Variants in CDH18 observed in about 807,000 individuals in gnomAD.
The protein encoded by CDH18 is cadherin 18.
A neutral mutation model predicts 67.9 loss-of-function variants in CDH18; 31 were observed. The ratio of observed to expected loss-of-function variants is 0.46; its 90% confidence interval spans 0.34 to 0.62. The LOEUF is 0.62. Among genes scored for constraint, CDH18 ranks in the 20% least tolerant of loss-of-function variants. The pLI is 0.01. For missense variants in CDH18, 890 were observed against 975.5 expected, an observed-to-expected ratio of 0.91 and a Z score of 1.17; for synonymous variants, 362 against 347.2, an observed-to-expected ratio of 1.04 and a Z score of -0.48.
chr5:19,574,704 T>C lies in CDH18; in HGVS notation c.1000-2872A>G, dbSNP rs891302263. Reference sequence around the variant, plus strand: ...CCCATCTTCCACACCTTTTAAATAGTTGAGTAAACTATTAAAGTTGTCTTC... The same window carrying C: ...CCCATCTTCCACACCTTTTAAATAGCTGAGTAAACTATTAAAGTTGTCTTC... On this transcript the variant is annotated intron_variant, in intron 7 of 12. Coordinates refer to ENST00000382275, the MANE Select transcript of CDH18 (RefSeq NM_004934.5). Among the ~76,000 whole-genome samples the C allele has an allele frequency of 3.9e-4, 59 of 151,994 alleles. 1 individual carries two copies. The highest frequency in any genetic ancestry group is 3.3e-3 in the Admixed American group (51 of 15,266).
At chr5:19,805,211 G>C (rs1360069147) in intron 3 of CDH18, among the ~76,000 whole-genome samples, 17 of 152,082 alleles carry the variant, frequency 1.1e-4, no homozygotes, top group Non-Finnish European at 2.9e-5. Context: ...GCCTCCCAAA[G>C]TATTGGGATC....
rs527825091 is a variant in CDH18, at chr5:20,010,367, G to A, written c.-517-18353C>T. The stretch of plus-strand genomic sequence containing the variant: ...TGGGATTATAGGCATGCACCACCAC[G>A]CCCCACTATTTTTGTATTTTTAGTA... On this transcript the variant is annotated intron_variant, in intron 2 of 14. Transcript: ENST00000507958. Among the ~76,000 whole-genome samples, 16 of 151,800 alleles carry A rather than the reference G, an allele frequency of 1.1e-4. 2 individuals carry two copies. The South Asian group carries it at 2.3e-3, about 22-fold the overall frequency.
intron 8 of CDH18, among the ~76,000 whole-genome samples, chr5:19,551,618 G>A (rs1396299417): frequency 3.3e-5 from 5 of 152,096 alleles, no homozygotes; most frequent in Non-Finnish European, 7.4e-5. Flanking sequence ...ATAGAAAACA[G>A]CTATCACTTG....
intron 2 of CDH18, among the ~76,000 whole-genome samples, chr5:20,143,832 T>C (rs1298260761): frequency 6.6e-6 from 1 of 152,076 alleles, no homozygotes; most frequent in Non-Finnish European, 1.5e-5. Flanking sequence ...TCGCATACCG[T>C]GGAAACAGGG....
rs147986112 is a variant in CDH18 at position 20,497,155 on chromosome 5, G to A, written c.-580+78307C>T. 4.6e-3 allele frequency among the ~76,000 whole-genome samples: 696 copies of A among 152,192 alleles called. 1 individual carries two copies. The highest frequency in any genetic ancestry group is 0.016 in the African/African-American group (659 of 41,542). On this transcript the variant is annotated intron_variant, in intron 1 of 14. Coordinates refer to the CDH18 transcript ENST00000507958. ...AAAGGCCAATGAAGCTGGGGTGGAG[G>A]CAGCAAAGAGGGAAATAGTAAGTGA...
At chr5:19,753,318 T>C (rs764330252) in intron 3 of CDH18, among the ~76,000 whole-genome samples, 2 of 152,100 alleles carry the variant, frequency 1.3e-5, no homozygotes, top group Non-Finnish European at 2.9e-5. Context: ...AAATAGTCAA[T>C]GAAATAGATT....
intron 8 of CDH18, among the ~76,000 whole-genome samples, chr5:19,558,645 G>A (rs1172063965): frequency 6.6e-6 from 1 of 151,514 alleles, no homozygotes; most frequent in Non-Finnish European, 1.5e-5. Flanking sequence ...AGATTGACAG[G>A]GTAATTAAAA....
intron 2 of CDH18, among the ~76,000 whole-genome samples, chr5:19,928,238 TA>T (rs1441780561): frequency 6.6e-6 from 1 of 152,118 alleles, no homozygotes; most frequent in East Asian, 1.9e-4. Context: ...GCAATATTAT[TA>T]AAACAGAATT....
chr5:19,737,023 GA>G (rs1768426050), intron 4 of CDH18, among the ~76,000 whole-genome samples: 1 of 152,234 alleles, frequency 6.6e-6, no homozygotes, highest in Admixed American at 6.5e-5. Flanking sequence ...ACTGATCAAT[GA>G]AAACCAGTGA....
At chr5:19,994,530 A>G (rs555610451) in intron 2 of CDH18, among the ~76,000 whole-genome samples, 1 of 150,068 alleles carries the variant, frequency 6.7e-6, no homozygotes, top group Admixed American at 6.7e-5. Flanking sequence ...AAGGCTACTG[A>G]AATTGAAACT....
intron 1 of CDH18, among the ~76,000 whole-genome samples, chr5:20,481,227 A>C (rs1490897981): frequency 1.3e-5 from 2 of 152,094 alleles, no homozygotes; most frequent in African/African-American, 2.4e-5. Flanking sequence ...AAACATAAAA[A>C]GAGACAAAGC....
At chr5:20,378,025 T>G (rs934034138) in intron 1 of CDH18, among the ~76,000 whole-genome samples, 6 of 152,264 alleles carry the variant, frequency 3.9e-5, no homozygotes, top group Non-Finnish European at 8.8e-5. Flanking sequence ...AAGCTGGCTG[T>G]TGAAGTGTCA....
chr5:20,157,893 G>C (rs140909932), intron 2 of CDH18, among the ~76,000 whole-genome samples: 3,817 of 151,976 alleles, frequency 0.025, 170 homozygotes, highest in African/African-American at 0.088. Context: ...GCCCTCCTTG[G>C]CCTCCCAAAG....
chr5:20,329,095 C>T (rs751249651), intron 1 of CDH18, among the ~76,000 whole-genome samples: 2 of 152,130 alleles, frequency 1.3e-5, no homozygotes, highest in African/African-American at 4.8e-5. Flanking sequence ...GTTTTAATAT[C>T]CAACTCCCCA....
intron 3 of CDH18, among the ~76,000 whole-genome samples, chr5:19,788,113 G>A (rs1776005831): frequency 6.6e-6 from 1 of 151,884 alleles, no homozygotes; most frequent in South Asian, 2.1e-4. Flanking sequence ...CTTATAATAG[G>A]GTGTGAATAA....
At chr5:20,282,502 A>G (rs1373067099) in intron 1 of CDH18, among the ~76,000 whole-genome samples, 2 of 152,138 alleles carry the variant, frequency 1.3e-5, no homozygotes, top group African/African-American at 2.4e-5. Context: ...TTCTGTTTAT[A>G]TGCTGGATTA....
intron 2 of CDH18, among the ~76,000 whole-genome samples, chr5:20,252,065 T>C (rs1200035277): frequency 6.6e-6 from 1 of 152,152 alleles, no homozygotes; most frequent in Non-Finnish European, 1.5e-5. Flanking sequence ...TATGCAGCTG[T>C]TTTTTATTAT....
intron 1 of CDH18, among the ~76,000 whole-genome samples, chr5:20,456,014 C>CT: frequency 6.6e-6 from 1 of 152,162 alleles, no homozygotes; most frequent in South Asian, 2.1e-4. Context: ...AAGCCAGAAG[C>CT]TTTATTATAT....
intron 2 of CDH18, among the ~76,000 whole-genome samples, chr5:20,126,348 C>A (rs1748822747): frequency 6.6e-6 from 1 of 152,108 alleles, no homozygotes; most frequent in East Asian, 1.9e-4. Context: ...ACACCTGAAA[C>A]TATAAAGCTA....
Sources: allele counts gnomAD v4.1 joint callset (sites outside exome capture counted in the v4.1 genomes callset), GRCh38; gene constraint gnomAD v4.1.1; transcripts MANE v1.5; gene names NCBI Gene and HGNC (gene_info 2026-07-23, HGNC 2026-07-21).